ATP11B: variants seen among roughly 807,000 people sequenced by gnomAD.
ATP11B encodes the protein ATPase phospholipid transporting 11B (putative), also known as phospholipid-transporting ATPase IF.
A neutral mutation model predicts 157.8 loss-of-function variants in ATP11B; 81 were observed. That is an observed-to-expected ratio of 0.51 (90% CI 0.43 to 0.62). The LOEUF (loss-of-function observed/expected upper bound fraction) is 0.62, where lower values mean the gene tolerates loss of function less well. ATP11B is among the 20% of genes least tolerant of loss of function. The pLI, the probability that ATP11B is intolerant of heterozygous loss-of-function variation, is 0.00. For missense variants in ATP11B, 1,165 were observed against 1,402.2 expected (o/e 0.83, Z 2.70); for synonymous variants, 451 against 469.4 (o/e 0.96, Z 0.51).
At chr3:182,858,192 GTACTGA>G (rs1199297096) in intron 11 of ATP11B, among the ~76,000 whole-genome samples, 164 bp downstream of exon 11, 4 of 152,228 alleles carry the variant, frequency 2.6e-5, no homozygotes, top group African/African-American at 7.2e-5. Context: ...CAGCGTGTTT[GTACTGA>G]TACGCTTTTT....
At chr3:182,907,340 C>T (rs1481456144) in intron 28 of ATP11B, among the ~76,000 whole-genome samples, 1 of 152,152 alleles carries the variant, frequency 6.6e-6, no homozygotes, top group East Asian at 1.9e-4. Context: ...AGTGATGAAA[C>T]TTTGTAACAA....
chr3:182,798,002 T>C (rs116450556), intron 1 of ATP11B, among the ~76,000 whole-genome samples: 165 of 152,246 alleles, frequency 1.1e-3, no homozygotes, highest in African/African-American at 3.5e-3. Context: ...CTGGGCATTG[T>C]GGTACTGACT....
chr3:182,819,329 C>G (rs929843954), intron 1 of ATP11B, among the ~76,000 whole-genome samples: 2 of 152,114 alleles, frequency 1.3e-5, no homozygotes, highest in Non-Finnish European at 2.9e-5. Context: ...CCTCAGCCTC[C>G]CAAAGTGCTA....
At chr3:182,807,780 A>G (rs527328160) in intron 1 of ATP11B, among the ~76,000 whole-genome samples, 5 of 152,268 alleles carry the variant, frequency 3.3e-5, no homozygotes, top group African/African-American at 2.4e-5. Context: ...CTTATTCTAC[A>G]TATTTTACTT....
chr3:182,858,746 G>T (rs983394282), intron 11 of ATP11B, among the ~76,000 whole-genome samples: 4 of 151,990 alleles, frequency 2.6e-5, no homozygotes, highest in East Asian at 1.9e-4. Flanking sequence ...TTTTAACCTC[G>T]CAGTTATTTT....
At position 182,914,673 on chromosome 3, in the gene ATP11B, A is replaced by T. The variant is rs182241645; in HGVS notation, c.3452+679A>T. The T allele has an allele frequency of 4.1e-6, 4 of 985,422 alleles. No individual in the cohort carries two copies. The East Asian group carries it at 4.5e-4, about 112-fold the overall frequency. 61.0% of individuals were successfully genotyped at this position (985,422 alleles called of 1,614,324 possible). On this transcript the variant is annotated intron_variant, in intron 29 of 29. Coordinates refer to ENST00000323116, the MANE Select transcript of ATP11B (RefSeq NM_014616.3). ...GTCCCCTCCTAAATCTGTTTCTTGA[A>T]TGAGATTTATCACCATGCCTGCTGT... is the stretch of plus-strand genomic sequence containing the variant.
chr3:182,892,081 A>G (rs1723212578), intron 25 of ATP11B, among the ~76,000 whole-genome samples: 1 of 152,186 alleles, frequency 6.6e-6, no homozygotes, highest in Admixed American at 6.5e-5. Flanking sequence ...TAATTCTCCC[A>G]GAAACTCTCT....
At chr3:182,913,444 A>G (rs1368623129) in intron 28 of ATP11B, among the ~76,000 whole-genome samples, 1 of 152,164 alleles carries the variant, frequency 6.6e-6, no homozygotes. Flanking sequence ...ATTGTTGGAC[A>G]TTGTTCATTG....
At chr3:182,842,018 C>T in intron 7 of ATP11B, 57 bp from the exon 8 acceptor site, 1 of 594,608 alleles carries the variant, frequency 1.7e-6, no homozygotes, top group Admixed American at 3.4e-5. Flanking sequence ...TGCAAAAAAA[C>T]AGCCATTGAT....
At chr3:182,887,521 T>G in intron 23 of ATP11B, 65 bp from the exon 24 acceptor site, 1 of 1,372,782 alleles carries the variant, frequency 7.3e-7, no homozygotes. Context: ...TATGCATAGT[T>G]GTCATATGCA....
At chr3:182,872,839 C>G (rs1264063110) in intron 18 of ATP11B, among the ~76,000 whole-genome samples, 1 of 152,226 alleles carries the variant, frequency 6.6e-6, no homozygotes, top group African/African-American at 2.4e-5. Flanking sequence ...CCAGCCTTCC[C>G]TCCTACCACT....
chr3:182,823,988 TC>T (rs1382376933), intron 2 of ATP11B, among the ~76,000 whole-genome samples: 1 of 151,720 alleles, frequency 6.6e-6, no homozygotes, highest in African/African-American at 2.4e-5. Flanking sequence ...TTGCAGCAGG[TC>T]CCCCTCCTCC....
chr3:182,875,260 A>G (rs910390510), intron 19 of ATP11B, among the ~76,000 whole-genome samples: 1 of 152,204 alleles, frequency 6.6e-6, no homozygotes, highest in Non-Finnish European at 1.5e-5. Context: ...CTAATCCAGA[A>G]AAATAAATAC....
Position 182,829,880 on chromosome 3 carries a change from C to T in ATP11B, c.315+128C>T, listed in dbSNP as rs1237234317. 15 of 1,417,498 alleles carry T rather than the reference C, an allele frequency of 1.1e-5. No homozygotes were observed. The South Asian group carries it at 1.1e-4, about 10-fold the overall frequency. 87.8% of individuals were successfully genotyped at this position (1,417,498 alleles called of 1,614,324 possible). ...AAGAAAGCAGCAAATTTGTCTGATA[C>T]GTAGTAAAATTAAACTGAATTAGCC... On this transcript the variant is annotated intron_variant, in intron 4 of 29. Transcript: ENST00000323116.
chr3:182,848,881 A>G (rs923351992), intron 10 of ATP11B, among the ~76,000 whole-genome samples: 5 of 152,238 alleles, frequency 3.3e-5, no homozygotes, highest in African/African-American at 1.2e-4. Context: ...GACAAACCAG[A>G]ATCGAATAGA....
intron 18 of ATP11B, among the ~76,000 whole-genome samples, chr3:182,873,555 C>G (rs1030702092): frequency 1.3e-5 from 2 of 152,160 alleles, no homozygotes; most frequent in Admixed American, 1.3e-4. Flanking sequence ...TGAATAGCAA[C>G]TTTGAAGATA....
intron 10 of ATP11B, among the ~76,000 whole-genome samples, chr3:182,855,441 CAG>C (rs1462149293): frequency 6.6e-6 from 1 of 152,062 alleles, no homozygotes; most frequent in Admixed American, 6.5e-5. Context: ...TAGAAGAAAA[CAG>C]AATCTTCAGG....
intron 10 of ATP11B, among the ~76,000 whole-genome samples, chr3:182,849,259 T>C (rs1170076676): frequency 1.3e-5 from 2 of 152,206 alleles, no homozygotes; most frequent in Non-Finnish European, 2.9e-5. Flanking sequence ...GCCCATTGCA[T>C]TGGAGACACA....
At chr3:182,830,107 A>G (rs1718017166) in intron 4 of ATP11B, 1 of 301,312 alleles carries the variant, frequency 3.3e-6, no homozygotes. Context: ...CAAAAGAGAT[A>G]TGTTTATAGA....
Sources: gnomAD v4.1 joint callset for allele counts (sites outside exome capture counted in the v4.1 genomes callset) on GRCh38, gnomAD v4.1.1 for gene constraint, MANE v1.5 for transcripts, NCBI Gene and HGNC (gene_info 2026-07-23, HGNC 2026-07-21) for gene names.